The following ACOT1 variants were observed in gnomAD, a reference collection of about 807,000 sequenced individuals.
ACOT1 encodes the protein acyl-coenzyme A thioesterase 1.
In ACOT1, 8 loss-of-function variants were observed where a neutral mutation model predicts 15.7. The ratio of observed to expected loss-of-function variants is 0.51; its 90% CI spans 0.30 to 0.92. ACOT1 has a LOEUF of 0.92. Among genes scored for constraint, ACOT1 ranks in the 40% least tolerant of loss-of-function variants. The pLI is 0.06. For missense variants in ACOT1, 151 were observed against 539.4 expected (o/e 0.28, Z 7.13); for synonymous variants, 67 against 241.2 (o/e 0.28, Z 6.69).
chr14:73,541,942 A>G (rs1322062526), intron 2 of ACOT1, among the ~76,000 whole-genome samples: 1 of 112,010 alleles, frequency 8.9e-6, no homozygotes, highest in Middle Eastern at 4.3e-3. Flanking sequence ...TGCAACCTCC[A>G]CCTCCCAAGT....
chr14:73,509,241 A>C, the ACOT1 span: 1 of 1,430,052 alleles, frequency 7.0e-7, no homozygotes, highest in Admixed American at 1.7e-5. Flanking sequence ...TGGAGAGGAA[A>C]GGACTGGGAA....
chr14:73,491,026 G>T, the ACOT1 span: 1 of 1,521,680 alleles, frequency 6.6e-7, no homozygotes, highest in Non-Finnish European at 8.8e-7. Context: ...CCATGGATGG[G>T]CTCCAGGCCA....
At position 73,542,870 on chromosome 14, in the gene ACOT1, T is replaced by C. The variant is rs1415619889; in HGVS notation, c.661-180T>C. Among the ~76,000 whole-genome samples the C allele has an allele frequency of 6.2e-5, 7 of 112,310 alleles. 3 individuals carry two copies. The highest frequency in any genetic ancestry group is 1.3e-4 in the Non-Finnish European group (7 of 52,400). The allele number at this position is 112,310 out of a possible 152,430, so 73.7% of individuals were successfully genotyped here. ...ACATGGTTATCACCAAGAGTGGTGA[T>C]GGACAAATTGTGGAAAGGAAGAGAT... On this transcript the variant is annotated intron_variant, in intron 2 of 2. Coordinates refer to ENST00000311148, the MANE Select transcript of ACOT1 (RefSeq NM_001037161.2).
the ACOT1 span, among the ~76,000 whole-genome samples, chr14:73,503,548 C>T: frequency 6.6e-6 from 1 of 152,192 alleles, no homozygotes. Context: ...AAGTATCTCC[C>T]TTCTCTACTC....
the ACOT1 span, among the ~76,000 whole-genome samples, chr14:73,526,268 C>T: frequency 6.6e-6 from 1 of 152,228 alleles, no homozygotes; most frequent in African/African-American, 2.4e-5. Context: ...GAGGAGAATC[C>T]TCAGGTAGAG....
the ACOT1 span, chr14:73,491,064 C>G: frequency 6.3e-7 from 1 of 1,593,322 alleles, no homozygotes. Flanking sequence ...CGCGGGCGGC[C>G]GAAGCGCCGG....
the ACOT1 span, among the ~76,000 whole-genome samples, chr14:73,505,472 C>T: frequency 2.0e-5 from 3 of 152,164 alleles, no homozygotes; most frequent in East Asian, 5.8e-4. Flanking sequence ...TCTCGGCTCA[C>T]TGCAACCTCT....
the ACOT1 span, among the ~76,000 whole-genome samples, chr14:73,502,115 A>C: frequency 6.7e-6 from 1 of 150,004 alleles, no homozygotes; most frequent in African/African-American, 2.5e-5. Flanking sequence ...GCTGGTCTCG[A>C]ACTCCTGGGC....
the ACOT1 span, chr14:73,519,110 C>T: frequency 6.2e-7 from 1 of 1,613,908 alleles, no homozygotes; most frequent in Middle Eastern, 1.6e-4. Context: ...TTTAGGTTTT[C>T]CAGGACAATC....
At chr14:73,505,946 A>C in the ACOT1 span, among the ~76,000 whole-genome samples, 10 of 141,890 alleles carry the variant, frequency 7.0e-5, no homozygotes, top group African/African-American at 1.8e-4. Context: ...GCTAGAGAGC[A>C]GTGGTGAGAT....
chr14:73,492,610 G>A, the ACOT1 span: 2 of 1,613,954 alleles, frequency 1.2e-6, no homozygotes. The surrounding 1 kb of genome is among the most constrained non-coding windows in gnomAD (Gnocchi z 4.9). Context: ...TTCGCTGGGA[G>A]GCTGGAGAAC....
the ACOT1 span, chr14:73,512,107 C>T: frequency 1.2e-5 from 19 of 1,614,074 alleles, no homozygotes; most frequent in East Asian, 2.2e-5. Context: ...GTCTCCCAAG[C>T]TCTGAAGCAG....
At chr14:73,505,348 A>G in the ACOT1 span, among the ~76,000 whole-genome samples, 8 of 151,900 alleles carry the variant, frequency 5.3e-5, no homozygotes, top group Non-Finnish European at 4.4e-5. Flanking sequence ...TGTTCCTACC[A>G]TAGTGTTAAT....
the ACOT1 span, chr14:73,509,487 A>G: frequency 2.5e-6 from 4 of 1,613,090 alleles, no homozygotes; most frequent in African/African-American, 5.3e-5. Context: ...TGATCAAAAG[A>G]GCCAGGTAAG....
At position 73,537,564 on chromosome 14, in the gene ACOT1, C is replaced by A; in HGVS notation, c.143C>A (p.Ala48Asp). The change falls in exon 1 of 3, where the codon GCC becomes GAC. Residue 48 changes from alanine (A) to aspartate (D), a missense_variant. By Grantham distance (126) the Ala-to-Asp change is moderately radical (BLOSUM62 -2). Coordinates refer to ENST00000311148, the MANE Select transcript of ACOT1 (RefSeq NM_001037161.2). The part of the protein sequence containing the change: ...LRDEKGALFQ[A>D]HARYRADTLG... ...GACGAGAAGGGCGCGCTTTTCCAGG[C>A]CCACGCGCGCTACCGCGCCGACACC... The A allele has an allele frequency of 8.2e-7, 1 of 1,214,044 alleles. No homozygotes were observed. Among genetic ancestry groups the A allele is most frequent in the South Asian group, 1.4e-5 (1 of 69,526 alleles). 75.2% of individuals were successfully genotyped at this position (1,214,044 alleles called of 1,614,324 possible). A position where few individuals can be genotyped will look rare whatever the true frequency, so the allele number is the denominator to read the frequency against.
chr14:73,518,499 A>T, the ACOT1 span, among the ~76,000 whole-genome samples: 1 of 152,078 alleles, frequency 6.6e-6, no homozygotes, highest in Non-Finnish European at 1.5e-5. Flanking sequence ...ACAAAGAGTC[A>T]TGGGAAATAG....
chr14:73,527,969 A>G, the ACOT1 span, among the ~76,000 whole-genome samples: 2 of 149,000 alleles, frequency 1.3e-5, no homozygotes, highest in African/African-American at 5.0e-5. Context: ...CTCAAAAAAA[A>G]AAAAAAAAAA....
At chr14:73,508,271 C>T in the ACOT1 span, 6 of 1,613,924 alleles carry the variant, frequency 3.7e-6, no homozygotes, top group Non-Finnish European at 4.2e-6. Context: ...CACTGAGCTG[C>T]AGCCCAGCTA....
At chr14:73,522,639 G>A in the ACOT1 span, 4 of 1,614,226 alleles carry the variant, frequency 2.5e-6, no homozygotes, top group Non-Finnish European at 3.4e-6. Flanking sequence ...AGCATATCTG[G>A]ATGCATGCAG....
Sources: gnomAD v4.1 joint callset for allele counts (sites outside exome capture counted in the v4.1 genomes callset) on GRCh38, gnomAD v4.1.1 for gene constraint, Gnocchi (gnomAD v3.1) non-coding constraint, MANE v1.5 for transcripts, NCBI Gene and HGNC (gene_info 2026-07-23, HGNC 2026-07-21) for gene names.